CSMD1: variants seen among roughly 807,000 people sequenced by gnomAD.
The protein encoded by CSMD1 is CUB and Sushi multiple domains 1, also known as CUB and sushi domain-containing protein 1.
CSMD1 carries 213 observed loss-of-function variants against 417.5 expected under a neutral mutation model. The observed-to-expected ratio is 0.51, with a 90% confidence interval of 0.46 to 0.57. The LOEUF (loss-of-function observed/expected upper bound fraction) is 0.57, where lower values mean the gene tolerates loss of function less well. Ranked by LOEUF, CSMD1 falls within the 20% of genes least tolerant of loss-of-function variation. The pLI is 0.00. For synonymous variants in CSMD1, 2,862 were observed against 1,736.8 expected, an observed-to-expected ratio of 1.65 and a Z score of -16.11; for missense variants, 6,923 against 4,529.7, an observed-to-expected ratio of 1.53 and a Z score of -15.17.
At chr8:3,148,440 A>C (rs186679169) in intron 40 of CSMD1, among the ~76,000 whole-genome samples, 1 of 152,302 alleles carries the variant, frequency 6.6e-6, no homozygotes, top group Admixed American at 6.5e-5. Context: ...TTAGGAATTG[A>C]ACAGGAGAAT....
At chr8:4,030,825 C>T (rs1346969817) in intron 4 of CSMD1, among the ~76,000 whole-genome samples, 1 of 152,172 alleles carries the variant, frequency 6.6e-6, no homozygotes, top group Non-Finnish European at 1.5e-5. Flanking sequence ...GCACCCAAGA[C>T]ACCTCTTGAA....
At chr8:4,436,192 G>A (rs1798140272) in intron 2 of CSMD1, among the ~76,000 whole-genome samples, 1 of 152,094 alleles carries the variant, frequency 6.6e-6, no homozygotes, top group Non-Finnish European at 1.5e-5. Context: ...TACAGACACT[G>A]GCTTTAGGCT....
intron 41 of CSMD1, among the ~76,000 whole-genome samples, chr8:3,141,836 C>T (rs542758825): frequency 7.4e-5 from 11 of 149,060 alleles, no homozygotes; most frequent in South Asian, 2.1e-4. Flanking sequence ...CTGGCTCTGT[C>T]GCCCAGGCTG....
chr8:4,922,295 A>T (rs190543640), intron 1 of CSMD1, among the ~76,000 whole-genome samples: 11 of 152,280 alleles, frequency 7.2e-5, no homozygotes, highest in Admixed American at 5.2e-4. Context: ...AATAGGCATC[A>T]TTGATTCTTG....
intron 14 of CSMD1, among the ~76,000 whole-genome samples, chr8:3,406,448 G>C (rs934103405): frequency 1.3e-5 from 2 of 152,138 alleles, no homozygotes; most frequent in Non-Finnish European, 2.9e-5. Flanking sequence ...TATCATTTAT[G>C]CAGCAATTTA....
chr8:4,464,169 A>G (rs981556262), intron 2 of CSMD1, among the ~76,000 whole-genome samples: 9 of 152,110 alleles, frequency 5.9e-5, no homozygotes, highest in African/African-American at 1.9e-4. Context: ...CTTCCTCTCT[A>G]CTTCACTTAC....
intron 1 of CSMD1, among the ~76,000 whole-genome samples, chr8:4,640,281 A>G (rs1803110893): frequency 6.6e-6 from 1 of 152,220 alleles, no homozygotes; most frequent in Non-Finnish European, 1.5e-5. Context: ...AATGAATATC[A>G]TCGTTGGCTG....
chr8:4,413,076 G>C (rs1796736178), intron 3 of CSMD1, among the ~76,000 whole-genome samples: 1 of 152,142 alleles, frequency 6.6e-6, no homozygotes, highest in African/African-American at 2.4e-5. Flanking sequence ...TAATTTCACA[G>C]CTTCATGGAA....
rs772735444 is a variant in CSMD1, at chr8:2,938,559, A to C, written c.*26T>G. The C allele has an allele frequency of 1.0e-5, 16 of 1,599,612 alleles. No individual in the cohort carries two copies. The South Asian group carries it at 1.6e-4, about 16-fold the overall frequency. On this transcript the variant is annotated 3_prime_UTR_variant, in exon 70 of 70. Coordinates refer to ENST00000635120, the MANE Select transcript of CSMD1 (RefSeq NM_033225.6). ...CTTGTCCATCAGAGGTATGGCTATGAATCAGTCCTGTTGGGGCACTGAGGG... is the reference window on the plus strand; with the variant it reads ...CTTGTCCATCAGAGGTATGGCTATGCATCAGTCCTGTTGGGGCACTGAGGG...
At chr8:3,965,294 C>T (rs370566442) in intron 5 of CSMD1, among the ~76,000 whole-genome samples, 2 of 152,150 alleles carry the variant, frequency 1.3e-5, no homozygotes, top group Non-Finnish European at 2.9e-5. Flanking sequence ...GGTCTCTAAG[C>T]ATGGGTTTCT....
rs1033697376 is a variant in CSMD1, at chr8:4,793,934, G to C, written c.86-156376C>G. On this transcript the variant is annotated intron_variant, in intron 1 of 69. Coordinates refer to ENST00000635120, the MANE Select transcript of CSMD1 (RefSeq NM_033225.6). ...AAAAATGTGATGTAAGTTGAGGTTT[G>C]TGTGAAAATGAACTGGCACTTCTGT... is the stretch of plus-strand genomic sequence containing the variant. Among the ~76,000 whole-genome samples, 5 of 151,980 alleles carry C rather than the reference G, an allele frequency of 3.3e-5. No individual in the cohort carries two copies. The South Asian group carries it at 1.0e-3, about 32-fold the overall frequency.
At chr8:3,073,989 C>T (rs781384502) in intron 49 of CSMD1, among the ~76,000 whole-genome samples, 5 of 152,198 alleles carry the variant, frequency 3.3e-5, no homozygotes, top group East Asian at 1.9e-4. Context: ...TATTCCAACA[C>T]GATTTCTGCA....
At chr8:3,524,421 C>G (rs1273365997) in intron 10 of CSMD1, among the ~76,000 whole-genome samples, 2 of 141,594 alleles carry the variant, frequency 1.4e-5, no homozygotes, top group African/African-American at 2.6e-5. Context: ...GCACACACAA[C>G]CAGACACATC....
intron 3 of CSMD1, among the ~76,000 whole-genome samples, chr8:4,322,397 T>G (rs1799320816): frequency 6.6e-6 from 1 of 152,154 alleles, no homozygotes; most frequent in African/African-American, 2.4e-5. Flanking sequence ...CAAAAGCATC[T>G]CACCTATTAG....
In CSMD1 at chr8:2,953,899, T is replaced by C. The variant is rs1802819064; in HGVS notation, c.10039+325A>G. On this transcript the variant is annotated intron_variant, in intron 65 of 69. Transcript: ENST00000635120. ...TTGGAGGAAAAAAGTCGCAACCCTC[T>C]TTATAAGGCTCTCCATTATACCACA... 2.0e-5 allele frequency among the ~76,000 whole-genome samples: 3 copies of C among 152,232 alleles called. No individual in the cohort carries two copies. The South Asian group carries it at 6.2e-4, about 31-fold the overall frequency.
At chr8:3,797,791 G>C (rs1035989912) in intron 5 of CSMD1, among the ~76,000 whole-genome samples, 3 of 151,888 alleles carry the variant, frequency 2.0e-5, no homozygotes, top group African/African-American at 4.8e-5. Flanking sequence ...AAATTCCTAG[G>C]TTATTAGGTA....
intron 3 of CSMD1, among the ~76,000 whole-genome samples, chr8:4,224,936 C>T (rs373136688): frequency 6.6e-6 from 1 of 152,244 alleles, no homozygotes; most frequent in East Asian, 1.9e-4. Context: ...TATTGTGAAA[C>T]CCCATCACTA....
intron 1 of CSMD1, among the ~76,000 whole-genome samples, chr8:4,842,004 C>A (rs755806436): frequency 2.6e-5 from 4 of 151,284 alleles, no homozygotes; most frequent in Non-Finnish European, 5.9e-5. Flanking sequence ...ATAGGGAAAC[C>A]CTAGAAAAAA....
At chr8:3,659,975 T>C (rs1026475212) in intron 7 of CSMD1, among the ~76,000 whole-genome samples, 4 of 152,166 alleles carry the variant, frequency 2.6e-5, no homozygotes, top group Non-Finnish European at 5.9e-5. Context: ...TAAGAAGAAA[T>C]CCAACTCACA....
Sources: gnomAD v4.1 joint callset for allele counts (sites outside exome capture counted in the v4.1 genomes callset) on GRCh38, gnomAD v4.1.1 for gene constraint, MANE v1.5 for transcripts, NCBI Gene and HGNC (gene_info 2026-07-23, HGNC 2026-07-21) for gene names.